Variants in LEMD3 observed in about 807,000 individuals in gnomAD.
LEMD3 encodes the protein inner nuclear membrane protein Man1.
In LEMD3, 33 loss-of-function variants were observed where a neutral mutation model predicts 95.2. That is an observed-to-expected ratio of 0.35 (90% CI 0.26 to 0.46). LEMD3 has a LOEUF of 0.46. Ranked by LOEUF, LEMD3 falls within the 20% of genes least tolerant of loss-of-function variation. The pLI is 1.00. For synonymous variants in LEMD3, 525 were observed against 474.6 expected, an observed-to-expected ratio of 1.11 and a Z score of -1.38; for missense variants, 1,210 against 1,192.8, an observed-to-expected ratio of 1.01 and a Z score of -0.21.
chr12:65,217,718 T>C (rs1016489335), intron 3 of LEMD3, among the ~76,000 whole-genome samples: 1 of 152,198 alleles, frequency 6.6e-6, no homozygotes, highest in African/African-American at 2.4e-5. Context: ...AAGATAAATG[T>C]AGTTTTCCAA....
At chr12:65,229,097 A>G (rs1306619849) in intron 4 of LEMD3, among the ~76,000 whole-genome samples, 2 of 152,074 alleles carry the variant, frequency 1.3e-5, no homozygotes, top group Non-Finnish European at 2.9e-5. Context: ...AGTAGTCCTT[A>G]ACTTGGACTT....
intron 4 of LEMD3, among the ~76,000 whole-genome samples, 161 bp from the exon 5 acceptor site, chr12:65,238,341 T>G (rs1870830374): frequency 6.6e-6 from 1 of 151,976 alleles, no homozygotes; most frequent in African/African-American, 2.4e-5. Flanking sequence ...AATGCTAACT[T>G]TTTTTTTCTT....
intron 4 of LEMD3, among the ~76,000 whole-genome samples, chr12:65,231,356 C>T (rs1870622963): frequency 6.6e-6 from 1 of 152,124 alleles, no homozygotes; most frequent in Non-Finnish European, 1.5e-5. Flanking sequence ...TCTTAAAGTA[C>T]TATTTTTAAT....
intron 9 of LEMD3, among the ~76,000 whole-genome samples, chr12:65,242,219 G>GC (rs908443293): frequency 2.6e-5 from 4 of 151,716 alleles, no homozygotes; most frequent in African/African-American, 9.7e-5. Context: ...ACCTTCTTCT[G>GC]TTTTTTTTCT....
intron 10 of LEMD3, among the ~76,000 whole-genome samples, chr12:65,243,996 A>G (rs538046149): frequency 1.4e-4 from 21 of 152,330 alleles, no homozygotes; most frequent in African/African-American, 5.1e-4. Flanking sequence ...AGAATAGCAC[A>G]GTCAAAAGTG....
intron 1 of LEMD3, chr12:65,171,805 G>C (rs1185476006): frequency 6.5e-6 from 1 of 153,310 alleles, no homozygotes; most frequent in Non-Finnish European, 1.5e-5. Context: ...CTGTAGGCAG[G>C]TGTGTTCATT....
chr12:65,193,206 T>TTTTAAAGCAGGAGTGAAAGC (rs1274288114), intron 1 of LEMD3, among the ~76,000 whole-genome samples: 1 of 152,174 alleles, frequency 6.6e-6, no homozygotes, highest in Non-Finnish European at 1.5e-5. Flanking sequence ...TTGAGGCAAG[T>TTTTAAAGCAGGAGTGAAAGC]TTTAAAGCAG....
intron 10 of LEMD3, among the ~76,000 whole-genome samples, chr12:65,243,852 T>G (rs1871008082): frequency 6.6e-6 from 1 of 152,208 alleles, no homozygotes; most frequent in African/African-American, 2.4e-5. Flanking sequence ...CTTACAAATT[T>G]CAAATCTCAA....
intron 9 of LEMD3, among the ~76,000 whole-genome samples, chr12:65,241,665 C>T (rs767052677): frequency 9.9e-5 from 15 of 151,830 alleles, no homozygotes; most frequent in Non-Finnish European, 2.1e-4. Context: ...TCATATGTAC[C>T]CAAACCTTTA....
chr12:65,210,860 AGTTT>A lies in LEMD3; in HGVS notation c.1523-60_1523-57del, dbSNP rs544133708. 5.8e-5 allele frequency: 68 copies of A among 1,173,970 alleles called. No homozygotes were observed. In the African/African-American group the frequency reaches 7.0e-4, roughly 12 times the overall value. The allele number at this position is 1,173,970 out of a possible 1,614,324, so 72.7% of individuals were successfully genotyped here. ...CAAAGTACATGCTGGCATTTCAGAG[AGTTT>A]GTTTGGGGGATTTTAATTCGTAAGT... On this transcript the variant is annotated intron_variant, in intron 1 of 12. Transcript: ENST00000308330.
intron 3 of LEMD3, among the ~76,000 whole-genome samples, chr12:65,217,764 A>G (rs1026342301): frequency 2.0e-5 from 3 of 152,242 alleles, no homozygotes; most frequent in African/African-American, 7.2e-5. Flanking sequence ...TAGAAACCAG[A>G]TCATAGGTGG....
intron 4 of LEMD3, among the ~76,000 whole-genome samples, chr12:65,230,308 G>T (rs1233247839): frequency 6.6e-6 from 1 of 152,010 alleles, no homozygotes; most frequent in East Asian, 1.9e-4. Context: ...CTTTAGAATT[G>T]TTTTCTTCTA....
chr12:65,218,870 C>T (rs1054891956), intron 4 of LEMD3, among the ~76,000 whole-genome samples: 2 of 149,062 alleles, frequency 1.3e-5, no homozygotes, highest in African/African-American at 2.5e-5. Flanking sequence ...CTCACTGCAA[C>T]GTTCGCAACC....
At chr12:65,227,574 ATCT>A (rs1311669835) in intron 4 of LEMD3, among the ~76,000 whole-genome samples, 3 of 152,248 alleles carry the variant, frequency 2.0e-5, no homozygotes, top group South Asian at 4.1e-4. Flanking sequence ...TATACCTTAA[ATCT>A]TCTCTAGATT....
At chr12:65,206,570 T>G (rs74101728) in intron 1 of LEMD3, among the ~76,000 whole-genome samples, 5,716 of 152,222 alleles carry the variant, frequency 0.038, 351 homozygotes, top group African/African-American at 0.13. Context: ...AATTATAATT[T>G]TTTTAAACTG....
chr12:65,201,426 G>A (rs1004148542), intron 1 of LEMD3, among the ~76,000 whole-genome samples: 2 of 152,110 alleles, frequency 1.3e-5, no homozygotes, highest in African/African-American at 2.4e-5. Flanking sequence ...TCTTATCCAT[G>A]GACATGAACT....
chr12:65,183,406 C>T (rs1041676370), intron 1 of LEMD3, among the ~76,000 whole-genome samples: 3 of 152,070 alleles, frequency 2.0e-5, no homozygotes, highest in Non-Finnish European at 2.9e-5. Context: ...AAGTCTGGAC[C>T]GCTCTGAGTT....
At chr12:65,178,152 C>T (rs948787642) in intron 1 of LEMD3, among the ~76,000 whole-genome samples, 3 of 151,390 alleles carry the variant, frequency 2.0e-5, no homozygotes, top group African/African-American at 7.3e-5. Context: ...GGCCTATTCT[C>T]TCATTCTTGA....
intron 1 of LEMD3, among the ~76,000 whole-genome samples, chr12:65,201,969 G>C (rs1391309726): frequency 6.8e-6 from 1 of 146,930 alleles, no homozygotes; most frequent in African/African-American, 2.5e-5. Context: ...TGTATTCCTA[G>C]TTTATTTTAC....
Sources: gnomAD v4.1 joint callset for allele counts (sites outside exome capture counted in the v4.1 genomes callset) on GRCh38, gnomAD v4.1.1 for gene constraint, MANE v1.5 for transcripts, NCBI Gene and HGNC (gene_info 2026-07-23, HGNC 2026-07-21) for gene names.